The following MRTFB variants were observed in gnomAD, a reference collection of about 807,000 sequenced individuals.
MRTFB encodes the protein myocardin related transcription factor B, also known as myocardin-related transcription factor B.
MRTFB carries 29 observed loss-of-function variants against 104.2 expected under a neutral mutation model. That is an observed-to-expected ratio of 0.28 (90% CI 0.21 to 0.38). The LOEUF is 0.38. Ranked by LOEUF, MRTFB falls within the 10% of genes least tolerant of loss-of-function variation. The pLI is 1.00. For synonymous variants in MRTFB, 535 were observed against 519.5 expected (o/e 1.03, Z -0.41); for missense variants, 1,270 against 1,341.6 (o/e 0.95, Z 0.83).
intron 10 of MRTFB, among the ~76,000 whole-genome samples, chr16:14,242,954 G>A (rs2042839109): frequency 6.6e-6 from 1 of 152,064 alleles, no homozygotes; most frequent in Non-Finnish European, 1.5e-5. Context: ...GCTCAGCAGG[G>A]AGACTACTCT....
intron 7 of MRTFB, among the ~76,000 whole-genome samples, 183 bp from the exon 8 acceptor site, chr16:14,218,637 C>G (rs2041538910): frequency 6.6e-6 from 1 of 152,002 alleles, no homozygotes; most frequent in Admixed American, 6.5e-5. Flanking sequence ...TTAGATTTTT[C>G]TTTTTCACTC....
intron 8 of MRTFB, among the ~76,000 whole-genome samples, chr16:14,219,907 G>C (rs1392681901): frequency 6.6e-6 from 1 of 152,190 alleles, no homozygotes; most frequent in East Asian, 1.9e-4. Context: ...TGAGCATCTA[G>C]TACAGGGCTT....
chr16:14,039,569 G>C, the MRTFB span, among the ~76,000 whole-genome samples: 2 of 151,452 alleles, frequency 1.3e-5, no homozygotes, highest in Non-Finnish European at 2.9e-5. Context: ...CTATATATGC[G>C]TGCACAAATA....
chr16:14,037,079 A>G, the MRTFB span, among the ~76,000 whole-genome samples: 1 of 152,108 alleles, frequency 6.6e-6, no homozygotes, highest in Admixed American at 6.5e-5. Flanking sequence ...AAGAAAACCC[A>G]TCTGTAGACC....
intron 2 of MRTFB, among the ~76,000 whole-genome samples, chr16:14,118,628 C>A (rs536904238): frequency 6.6e-6 from 1 of 151,628 alleles, no homozygotes; most frequent in Admixed American, 6.6e-5. Context: ...ATGGCCAAAC[C>A]CCATCTCTAC....
At chr16:14,039,965 C>T in the MRTFB span, among the ~76,000 whole-genome samples, 4 of 152,216 alleles carry the variant, frequency 2.6e-5, no homozygotes, top group South Asian at 8.3e-4. Context: ...TCAGGCTGGT[C>T]TTGAACTCCC....
At chr16:14,249,422 A>G (rs1015284791) in intron 13 of MRTFB, among the ~76,000 whole-genome samples, 3 of 152,240 alleles carry the variant, frequency 2.0e-5, no homozygotes, top group Non-Finnish European at 4.4e-5. Context: ...GTGGAAAAAA[A>G]GATATGCTGT....
the MRTFB span, among the ~76,000 whole-genome samples, chr16:14,005,007 C>G: frequency 2.6e-5 from 4 of 152,346 alleles, no homozygotes; most frequent in South Asian, 2.1e-4. Flanking sequence ...GCATCCAACT[C>G]TCTGTGCTCC....
intron 3 of MRTFB, among the ~76,000 whole-genome samples, chr16:14,175,800 T>C (rs2039562222): frequency 6.6e-6 from 1 of 152,126 alleles, no homozygotes. Flanking sequence ...CAACCACCGA[T>C]GAGGTGCAAC....
chr16:14,067,016 C>A (rs1459317167), upstream of MRTFB, among the ~76,000 whole-genome samples: 1 of 151,972 alleles, frequency 6.6e-6, no homozygotes, highest in Non-Finnish European at 1.5e-5. Flanking sequence ...GAATAACGCC[C>A]CGTGGTCTTG....
intron 13 of MRTFB, among the ~76,000 whole-genome samples, chr16:14,250,436 A>C (rs1474005106): frequency 1.3e-5 from 2 of 152,224 alleles, no homozygotes; most frequent in African/African-American, 4.8e-5. Context: ...TGGAGGTGCT[A>C]AACAAAACAT....
At chr16:14,096,862 C>T (rs1469234415) in intron 2 of MRTFB, among the ~76,000 whole-genome samples, 1 of 152,166 alleles carries the variant, frequency 6.6e-6, no homozygotes, top group Non-Finnish European at 1.5e-5. Context: ...CCAGAAGGAC[C>T]TCTTGGAGCT....
intron 3 of MRTFB, among the ~76,000 whole-genome samples, chr16:14,172,234 C>T (rs1052431965): frequency 2.6e-5 from 4 of 152,236 alleles, no homozygotes; most frequent in Middle Eastern, 3.4e-3. Context: ...GCCTCCCCCC[C>T]ACAAACAAGC....
At chr16:14,204,372 C>CT (rs553740986) in intron 3 of MRTFB, among the ~76,000 whole-genome samples, 2 of 151,866 alleles carry the variant, frequency 1.3e-5, no homozygotes, top group East Asian at 1.9e-4. Flanking sequence ...AAAGAAGATA[C>CT]TTTTTTTTAT....
chr16:14,078,886 A>G (rs546534044), intron 1 of MRTFB, among the ~76,000 whole-genome samples: 1 of 152,302 alleles, frequency 6.6e-6, no homozygotes, highest in East Asian at 1.9e-4. Flanking sequence ...ATTTCATATA[A>G]TCCTCAGCAG....
At chr16:14,212,313 G>T (rs2041225948) in intron 4 of MRTFB, 41 bp from the exon 5 acceptor site, 2 of 1,586,810 alleles carry the variant, frequency 1.3e-6, no homozygotes, top group African/African-American at 2.7e-5. Context: ...ACTGAAGTAT[G>T]AACTCTATTT....
the MRTFB span, among the ~76,000 whole-genome samples, chr16:14,065,669 C>T: frequency 6.6e-6 from 1 of 152,078 alleles, no homozygotes; most frequent in Non-Finnish European, 1.5e-5. Flanking sequence ...CACTTGAGCC[C>T]AGGAGTTCAA....
intron 3 of MRTFB, among the ~76,000 whole-genome samples, chr16:14,169,278 T>C (rs2039347062): frequency 6.6e-6 from 1 of 152,158 alleles, no homozygotes; most frequent in African/African-American, 2.4e-5. Context: ...CTTATTTGAG[T>C]AGGAACAAAT....
chr16:14,141,388 T>C (rs953272570), intron 3 of MRTFB: 1 of 152,236 alleles, frequency 6.6e-6, no homozygotes, highest in Non-Finnish European at 1.5e-5. Flanking sequence ...CAAATAGAGA[T>C]AGATGACATA....
Sources: allele counts gnomAD v4.1 joint callset (sites outside exome capture counted in the v4.1 genomes callset), GRCh38; gene constraint gnomAD v4.1.1; transcripts MANE v1.5; gene names NCBI Gene and HGNC (gene_info 2026-07-23, HGNC 2026-07-21).